Variants in ANKFY1 observed in about 807,000 individuals in gnomAD.
ANKFY1 encodes the protein ankyrin repeat and FYVE domain-containing protein 1.
In ANKFY1, 47 loss-of-function variants were observed where a neutral mutation model predicts 128.3. The ratio of observed to expected loss-of-function variants is 0.37; its 90% CI spans 0.29 to 0.47. The LOEUF is 0.47. Among genes scored for constraint, ANKFY1 ranks in the 20% least tolerant of loss-of-function variants. The probability of loss-of-function intolerance (pLI) is 1.00; values close to 1 mark genes in which losing one functional copy is unlikely to be tolerated. For missense variants in ANKFY1, 1,222 were observed against 1,510.6 expected, an observed-to-expected ratio of 0.81 and a Z score of 3.17; for synonymous variants, 553 against 601.6, an observed-to-expected ratio of 0.92 and a Z score of 1.18.
At chr17:4,263,457 G>A (rs1424500011) in intron 1 of ANKFY1, 2 of 1,257,830 alleles carry the variant, frequency 1.6e-6, no homozygotes, top group South Asian at 2.9e-5. Flanking sequence ...GCTCGCTGCT[G>A]CCTCGCCCCC....
intron 2 of ANKFY1, among the ~76,000 whole-genome samples, chr17:4,240,683 C>A (rs1007797250): frequency 1.3e-5 from 2 of 152,212 alleles, no homozygotes; most frequent in African/African-American, 2.4e-5. Context: ...TGCGCCACTG[C>A]GCCCAGGCAC....
chr17:4,183,761 C>G, intron 13 of ANKFY1, 51 bp downstream of exon 13: 1 of 1,553,740 alleles, frequency 6.4e-7, no homozygotes, highest in Non-Finnish European at 8.9e-7. Context: ...CCCGGCCCCA[C>G]TTCGGACAGC....
At chr17:4,193,638 A>T (rs933407770) in intron 10 of ANKFY1, among the ~76,000 whole-genome samples, 8 of 151,638 alleles carry the variant, frequency 5.3e-5, no homozygotes, top group Non-Finnish European at 8.8e-5. Context: ...GTTGGCCAGG[A>T]TGGTCTCGAA....
intron 1 of ANKFY1, among the ~76,000 whole-genome samples, chr17:4,258,230 A>T (rs1445025836): frequency 6.6e-6 from 1 of 152,200 alleles, no homozygotes; most frequent in African/African-American, 2.4e-5. Context: ...TAAACAGATA[A>T]ATTTCAGAAG....
chr17:4,209,799 T>A (rs2060093771), intron 5 of ANKFY1, 25 bp downstream of exon 5: 1 of 1,593,694 alleles, frequency 6.3e-7, no homozygotes, highest in Admixed American at 1.7e-5. Context: ...TAGAGTGCTT[T>A]GTTGACACCC....
chr17:4,250,973 T>G (rs1345561147), intron 1 of ANKFY1, among the ~76,000 whole-genome samples: 7 of 152,120 alleles, frequency 4.6e-5, no homozygotes, highest in Non-Finnish European at 1.0e-4. Context: ...GTTCCTAGAA[T>G]AGCCAAAAAA....
At chr17:4,207,176 C>T (rs555577534) in intron 6 of ANKFY1, among the ~76,000 whole-genome samples, 2 of 150,166 alleles carry the variant, frequency 1.3e-5, no homozygotes, top group African/African-American at 4.9e-5. Flanking sequence ...ACAGAGGGCC[C>T]GATCTATCTA....
Position 4,184,921 on chromosome 17 carries a change from T to C in ANKFY1, c.1596A>G (p.Ala532=). 1.2e-6 allele frequency: 2 copies of C among 1,614,116 alleles called. No individual in the cohort carries two copies. The highest frequency in any genetic ancestry group is 1.7e-6 in the Non-Finnish European group (2 of 1,180,034). Residue 532 remains alanine (A), a synonymous_variant, in exon 12 of 25, where the codon GCA becomes GCG. Transcript: ENST00000341657. ...CGCTGTCCGCCAAGCTGGTCAGGGA[T>C]GCGGCCTCCTTTGGCAGAGGCAGAG... The part of the protein sequence containing the change: ...EEALPLPKEA[A]SLTSLADSVH...
intron 3 of ANKFY1, among the ~76,000 whole-genome samples, chr17:4,233,470 G>C (rs2060548968): frequency 6.6e-6 from 1 of 152,142 alleles, no homozygotes; most frequent in Non-Finnish European, 1.5e-5. Context: ...CTGGCATGCA[G>C]GCATCTGCAC....
intron 3 of ANKFY1, 73 bp downstream of exon 3, chr17:4,235,699 A>C: frequency 9.8e-7 from 1 of 1,017,918 alleles, no homozygotes; most frequent in Non-Finnish European, 1.5e-6. Context: ...ATATTTCAAA[A>C]TGAGACACCA....
At position 4,263,923 on chromosome 17, in the gene ANKFY1, A is replaced by C. The variant is rs753664747; in HGVS notation, c.10+9T>G. ...TGTCTTCCCGCGCGGCTCCACAAAA[A>C]AACCCTACCTTCCGCCATGTCTGGC... On this transcript the variant is annotated intron_variant, in intron 1 of 24. Transcript: ENST00000341657. 26 of 1,613,928 alleles carry C rather than the reference A, an allele frequency of 1.6e-5. No individual in the cohort carries two copies. In the East Asian group the frequency reaches 3.3e-4, roughly 21 times the overall value.
intron 14 of ANKFY1, among the ~76,000 whole-genome samples, 159 bp downstream of exon 14, chr17:4,183,239 T>C (rs1047206607): frequency 6.6e-6 from 1 of 152,246 alleles, no homozygotes; most frequent in African/African-American, 2.4e-5. Context: ...CTTTTGATGA[T>C]ATTCAGTGAT....
chr17:4,195,380 C>CT, intron 9 of ANKFY1, 23 bp downstream of exon 9: 1 of 1,610,108 alleles, frequency 6.2e-7, no homozygotes. Flanking sequence ...CGCCTTCTCA[C>CT]TTGTGCGTGT....
At chr17:4,179,537 G>T in intron 17 of ANKFY1, 184 bp downstream of exon 17, 1 of 721,140 alleles carries the variant, frequency 1.4e-6, no homozygotes, top group Non-Finnish European at 2.3e-6. Context: ...TCCTCCTGTT[G>T]TAGTAAGGAC....
chr17:4,246,082 A>G (rs77838037), intron 1 of ANKFY1, among the ~76,000 whole-genome samples: 10,619 of 152,198 alleles, frequency 0.07, 494 homozygotes, highest in South Asian at 0.15. Flanking sequence ...CCAAAGAAAA[A>G]AAATTATGAG....
intron 2 of ANKFY1, among the ~76,000 whole-genome samples, chr17:4,236,366 A>C (rs1307658109): frequency 6.6e-6 from 1 of 152,194 alleles, no homozygotes; most frequent in Admixed American, 6.5e-5. Context: ...ACAAACTAAC[A>C]AGCAGTCATG....
chr17:4,184,676 T>C (rs2059578462), intron 12 of ANKFY1, 142 bp downstream of exon 12: 3 of 858,230 alleles, frequency 3.5e-6, no homozygotes. Context: ...CATGCTTCTC[T>C]AGTTTGACCT....
intron 3 of ANKFY1, among the ~76,000 whole-genome samples, chr17:4,233,093 G>A (rs1402955910): frequency 6.6e-6 from 1 of 152,038 alleles, no homozygotes; most frequent in Non-Finnish European, 1.5e-5. Context: ...ACTGGCAAAT[G>A]TACAAGAATA....
chr17:4,229,216 G>C (rs1349795873), intron 3 of ANKFY1, among the ~76,000 whole-genome samples: 1 of 152,150 alleles, frequency 6.6e-6, no homozygotes, highest in Non-Finnish European at 1.5e-5. Flanking sequence ...CTGAGGTCAG[G>C]AGTTCAAGAC....
Sources: gnomAD v4.1 joint callset for allele counts (sites outside exome capture counted in the v4.1 genomes callset) on GRCh38, gnomAD v4.1.1 for gene constraint, MANE v1.5 for transcripts, NCBI Gene and HGNC (gene_info 2026-07-23, HGNC 2026-07-21) for gene names.